TMPRSS5: variants seen among roughly 807,000 people sequenced by gnomAD.
The protein encoded by TMPRSS5 is transmembrane serine protease 5, also known as transmembrane protease serine 5.
TMPRSS5 carries 45 observed loss-of-function variants against 59.7 expected under a neutral mutation model. That is an observed-to-expected ratio of 0.75 (90% CI 0.59 to 0.97). TMPRSS5 has a LOEUF of 0.97. TMPRSS5 is among the 50% of genes least tolerant of loss of function. The pLI, the probability that TMPRSS5 is intolerant of heterozygous loss-of-function variation, is 0.00. For missense variants in TMPRSS5, 585 were observed against 596.7 expected (o/e 0.98, Z 0.20); for synonymous variants, 225 against 232.0 (o/e 0.97, Z 0.27).
At chr11:113,697,471 G>A in intron 4 of TMPRSS5, 53 bp from the exon 5 acceptor site, 1 of 1,591,978 alleles carries the variant, frequency 6.3e-7, no homozygotes. Context: ...GGTAGGGTGG[G>A]ACAGGAAGAG....
intron 1 of TMPRSS5, among the ~76,000 whole-genome samples, chr11:113,706,000 G>A (rs1953280638): frequency 6.6e-6 from 1 of 152,226 alleles, no homozygotes; most frequent in Non-Finnish European, 1.5e-5. Flanking sequence ...TATGTGCAAA[G>A]CACTTGATAG....
At position 113,697,283 on chromosome 11, in the gene TMPRSS5, C is replaced by T; in HGVS notation, c.464G>A (p.Arg155Lys). 1 of 1,609,338 alleles carries T rather than the reference C, an allele frequency of 6.2e-7. No individual in the cohort carries two copies. Among genetic ancestry groups the T allele is most frequent in the Non-Finnish European group, 8.5e-7 (1 of 1,176,818 alleles). ...LQICWSLGHL[R>K]LTHHKGVNLT... ...AGGACCCACATCTAACTCCTGTTAC[C>T]TGAGATGCCCAAGGCTCCAGCAGAT... The change falls in exon 5 of 13, where the codon AGA (arginine) becomes AAA (lysine). Residue 155 changes from arginine to lysine, a missense_variant and splice_region_variant. Arg to Lys is a conservative substitution (Grantham distance 26). Coordinates refer to ENST00000299882, the MANE Select transcript of TMPRSS5 (RefSeq NM_030770.4).
At chr11:113,689,385 C>T (rs1952696088) in intron 12 of TMPRSS5, among the ~76,000 whole-genome samples, 2 of 152,054 alleles carry the variant, frequency 1.3e-5, no homozygotes, top group Non-Finnish European at 2.9e-5. Flanking sequence ...CTGCAGATCA[C>T]TCACTCTAAG....
rs556024854 is a variant in TMPRSS5, at chr11:113,705,249, G to A, written c.3+973C>T. Among the ~76,000 whole-genome samples the A allele has an allele frequency of 4.6e-5, 7 of 152,226 alleles. No individual in the cohort carries two copies. The South Asian group carries it at 1.0e-3, about 23-fold the overall frequency. On this transcript the variant is annotated intron_variant, in intron 1 of 12. Transcript: ENST00000299882. ...CCAAAACCTCCCCAGTCATGCCTTC[G>A]TACTCCACTGAACTGTCTTCCTAAC...
chr11:113,689,390 T>G (rs1952696204), intron 12 of TMPRSS5, among the ~76,000 whole-genome samples: 1 of 152,028 alleles, frequency 6.6e-6, no homozygotes. Flanking sequence ...GATCACTCAC[T>G]CTAAGCCTAG....
chr11:113,690,009 T>A, intron 11 of TMPRSS5, 92 bp from the exon 12 acceptor site: 3 of 1,366,000 alleles, frequency 2.2e-6, no homozygotes, highest in Non-Finnish European at 2.9e-6. Flanking sequence ...GGAATCTCCT[T>A]ACTGGGCCCC....
At position 113,698,875 on chromosome 11, in the gene TMPRSS5, GAGGCCCGT is replaced by G. The variant is rs746651643; in HGVS notation, c.328+22_328+29del. ...CTGTGACAGGTCCCTGCTGGGGAGG[GAGGCCCGT>G]AGCCTTAGGGGTGCAGCCCACCTGT... On this transcript the variant is annotated intron_variant, in intron 4 of 12. Coordinates refer to ENST00000299882, the MANE Select transcript of TMPRSS5 (RefSeq NM_030770.4). 7 of 1,569,600 alleles carry G rather than the reference GAGGCCCGT, an allele frequency of 4.5e-6. No homozygotes were observed. The African/African-American group carries it at 8.1e-5, about 18-fold the overall frequency.
intron 5 of TMPRSS5, 130 bp from the exon 6 acceptor site, chr11:113,697,101 A>T: frequency 8.3e-7 from 1 of 1,200,546 alleles, no homozygotes; most frequent in Non-Finnish European, 1.2e-6. Flanking sequence ...AAAAAGCAGT[A>T]ATACTCCAAA....
Position 113,699,276 on chromosome 11 carries a change from T to TCTCTCTCC in TMPRSS5, c.206-250_206-249insGGAGAGAG, listed in dbSNP as rs1565263911. Among the ~76,000 whole-genome samples the TCTCTCTCC allele has an allele frequency of 2.0e-3, 185 of 92,962 alleles. 5 individuals are homozygous for TCTCTCTCC. Among genetic ancestry groups the TCTCTCTCC allele is most frequent in the African/African-American group, 7.2e-3 (169 of 23,448 alleles). 61.0% of individuals were successfully genotyped at this position (92,962 alleles called of 152,430 possible). A position where few individuals can be genotyped will look rare whatever the true frequency, so the allele number is the denominator to read the frequency against. ...CTCTCTCTCTCTCTCTCTCTCCCTC[T>TCTCTCTCC]CTCTCTCTCTCTCTCTGTCTCTCTC... On this transcript the variant is annotated intron_variant, in intron 3 of 12. Coordinates refer to ENST00000299882, the MANE Select transcript of TMPRSS5 (RefSeq NM_030770.4).
At chr11:113,698,850 C>T in intron 4 of TMPRSS5, 55 bp downstream of exon 4, 1 of 1,555,152 alleles carries the variant, frequency 6.4e-7, no homozygotes, top group Non-Finnish European at 8.7e-7. Context: ...TTGCCCTCAG[C>T]TGTGACAGGT....
At position 113,698,897 on chromosome 11, in the gene TMPRSS5, C is replaced by T; in HGVS notation, c.328+8G>A. On this transcript the variant is annotated splice_region_variant and intron_variant, in intron 4 of 12. Coordinates refer to ENST00000299882, the MANE Select transcript of TMPRSS5 (RefSeq NM_030770.4). Reference sequence around the variant, plus strand: ...AGGGAGGCCCGTAGCCTTAGGGGTGCAGCCCACCTGTTTTGGGAAGTGCAG... The same window carrying T: ...AGGGAGGCCCGTAGCCTTAGGGGTGTAGCCCACCTGTTTTGGGAAGTGCAG... The T allele has an allele frequency of 6.3e-7, 1 of 1,581,836 alleles. No homozygotes were observed. Among genetic ancestry groups the T allele is most frequent in the Non-Finnish European group, 8.6e-7 (1 of 1,163,994 alleles).
rs74664440 is a variant in TMPRSS5, at chr11:113,697,821, T to C, written c.329-403A>G. On this transcript the variant is annotated intron_variant, in intron 4 of 12. Transcript: ENST00000299882. ...CTTCTGATTTCAAATCTTGTGATAATAATAATTACCAGTTGTTGAGTGTAT... is the reference window on the plus strand; with the variant it reads ...CTTCTGATTTCAAATCTTGTGATAACAATAATTACCAGTTGTTGAGTGTAT... Among the ~76,000 whole-genome samples the C allele has an allele frequency of 6.7e-3, 1,022 of 152,278 alleles. 9 individuals are homozygous for C. Among genetic ancestry groups the C allele is most frequent in the African/African-American group, 0.024 (982 of 41,544 alleles).
intron 7 of TMPRSS5, 131 bp from the exon 8 acceptor site, chr11:113,694,771 G>A: frequency 3.2e-6 from 3 of 928,588 alleles, no homozygotes; most frequent in Non-Finnish European, 4.7e-6. Context: ...TCTTATTCCT[G>A]GTCCTAAGTA....
intron 4 of TMPRSS5, among the ~76,000 whole-genome samples, chr11:113,698,556 C>G (rs757633427): frequency 1.2e-4 from 18 of 152,122 alleles, no homozygotes; most frequent in Admixed American, 2.0e-4. Context: ...TTCCCAGGTC[C>G]CTAGGTGGCC....
At chr11:113,699,245 CTCT>C (rs1953032218) in intron 3 of TMPRSS5, among the ~76,000 whole-genome samples, 1 of 84,806 alleles carries the variant, frequency 1.2e-5, no homozygotes, top group Non-Finnish European at 2.2e-5. Flanking sequence ...CTCTCTCTCT[CTCT>C]CTCTCTCTCT....
chr11:113,698,948 C>T lies in TMPRSS5; in HGVS notation c.285G>A (p.Glu95=). ...QDEEITLSCS[E]ASAEEALLPA... ...GGAGCAGAGCTTCCTCAGCGCTGGC[C>T]TCTGAGCAGCTCAAAGTTATCTCCT... The change falls in exon 4 of 13, where the codon GAG becomes GAA. Residue 95 remains glutamate, a synonymous_variant. Transcript: ENST00000299882. 1 of 1,599,094 alleles carries T rather than the reference C, an allele frequency of 6.3e-7. No individual in the cohort carries two copies. The highest frequency in any genetic ancestry group is 8.5e-7 in the Non-Finnish European group (1 of 1,172,962).
At chr11:113,696,366 C>G (rs994262032) in intron 6 of TMPRSS5, among the ~76,000 whole-genome samples, 2 of 152,218 alleles carry the variant, frequency 1.3e-5, no homozygotes, top group Admixed American at 1.3e-4. Context: ...CCACAGCCCT[C>G]TTCTCTAGGA....
At chr11:113,690,177 C>CCCA in intron 11 of TMPRSS5, 54 bp downstream of exon 11, 1 of 438,264 alleles carries the variant, frequency 2.3e-6, no homozygotes, top group Non-Finnish European at 4.2e-6. Flanking sequence ...AGGCCCCCTG[C>CCCA]CCTCCCACCC....
intron 8 of TMPRSS5, 42 bp downstream of exon 8, chr11:113,694,436 G>A: frequency 6.5e-7 from 1 of 1,545,166 alleles, no homozygotes; most frequent in East Asian, 2.4e-5. Flanking sequence ...GAACAGAAAG[G>A]GCAACTGAGG....
Sources: gnomAD v4.1 joint callset for allele counts (sites outside exome capture counted in the v4.1 genomes callset) on GRCh38, gnomAD v4.1.1 for gene constraint, MANE v1.5 for transcripts, NCBI Gene and HGNC (gene_info 2026-07-23, HGNC 2026-07-21) for gene names.